Variants in DOP1B observed in about 807,000 individuals in gnomAD.
DOP1B encodes protein DOP1B.
In DOP1B, 174 loss-of-function variants were observed where a neutral mutation model predicts 233.5. That is an observed-to-expected ratio of 0.75 (90% CI 0.66 to 0.85). The LOEUF is 0.85. Ranked by LOEUF, DOP1B falls within the 40% of genes least tolerant of loss-of-function variation. DOP1B has a pLI of 0.00. For missense variants in DOP1B, 2,652 were observed against 2,846.6 expected (o/e 0.93, Z 1.56); for synonymous variants, 1,190 against 1,185.6 (o/e 1.00, Z -0.08).
At chr21:36,256,113 T>C (rs572160856) in intron 23 of DOP1B, among the ~76,000 whole-genome samples, 2 of 152,334 alleles carry the variant, frequency 1.3e-5, no homozygotes, top group East Asian at 1.9e-4. Flanking sequence ...CTTGAAATAA[T>C]TGCCTTCTGT....
At chr21:36,292,051 C>A in intron 35 of DOP1B, 53 bp from the exon 36 acceptor site, 1 of 1,532,476 alleles carries the variant, frequency 6.5e-7, no homozygotes, top group Admixed American at 2.3e-5. Flanking sequence ...CTAATTTTAA[C>A]GACGTTGAAG....
chr21:36,172,881 G>A (rs1358684092), intron 2 of DOP1B, among the ~76,000 whole-genome samples: 1 of 152,228 alleles, frequency 6.6e-6, no homozygotes, highest in Non-Finnish European at 1.5e-5. Context: ...CACTTTGGGA[G>A]GCTGAGGCAG....
At chr21:36,257,407 G>A (rs1485608441) in intron 23 of DOP1B, among the ~76,000 whole-genome samples, 4 of 152,330 alleles carry the variant, frequency 2.6e-5, no homozygotes, top group Admixed American at 2.0e-4. Flanking sequence ...TGCCTGTTCA[G>A]ATTCTTCTTG....
At chr21:36,215,167 A>G (rs1245505760) in intron 9 of DOP1B, among the ~76,000 whole-genome samples, 1 of 152,196 alleles carries the variant, frequency 6.6e-6, no homozygotes, top group African/African-American at 2.4e-5. Flanking sequence ...CATACTTAAA[A>G]TGAGCTTTGG....
At position 36,237,273 on chromosome 21, in the gene DOP1B, T is replaced by C. The variant is rs2835322; in HGVS notation, c.2634T>C (p.Arg878=). The part of the protein sequence containing the change: ...EKTDFYQRVA[R]VLWNQLNKET... ...TTTCCTTGTCCCAGAGGGTGGCTCG[T>C]GTGCTTTGGAATCAGCTGAACAAAG... The change falls in exon 16 of 37, where the codon CGT becomes CGC. Residue 878 remains arginine, a synonymous_variant. Coordinates refer to ENST00000691173, the MANE Select transcript of DOP1B (RefSeq NM_001320714.2). The C allele has an allele frequency of 0.5, 810,274 of 1,613,854 alleles. 205,145 individuals are homozygous for C. Among genetic ancestry groups the C allele is most frequent in the Middle Eastern group, 0.55 (3,340 of 6,062 alleles).
intron 18 of DOP1B, among the ~76,000 whole-genome samples, chr21:36,242,976 CTTTTCT>C (rs959013701): frequency 7.6e-6 from 1 of 130,844 alleles, no homozygotes; most frequent in African/African-American, 3.0e-5. Context: ...CAGATTTCTT[CTTTTCT>C]TTTTTTTTTT....
At position 36,242,152 on chromosome 21, in the gene DOP1B, A is replaced by ATTATTG. The variant is rs1391723320; in HGVS notation, c.3067+2202_3067+2203insGTTATT. Reference sequence around the variant, plus strand: ...GCTCTATCTCCACAGTTCCTTGGGCATTATTATTATTATTATTATTATTAT... The same window carrying ATTATTG: ...GCTCTATCTCCACAGTTCCTTGGGCATTATTGTTATTATTATTATTATTATTATTAT... On this transcript the variant is annotated intron_variant, in intron 18 of 36. Coordinates refer to ENST00000691173, the MANE Select transcript of DOP1B (RefSeq NM_001320714.2). Among the ~76,000 whole-genome samples, 245 of 67,458 alleles carry ATTATTG rather than the reference A, an allele frequency of 3.6e-3. 1 individual carries two copies. The highest frequency in any genetic ancestry group is 0.014 in the East Asian group (17 of 1,188). 44.3% of individuals were successfully genotyped at this position (67,458 alleles called of 152,430 possible).
At position 36,293,699 on chromosome 21, in the gene DOP1B, C is replaced by T. The variant is rs1202143507; in HGVS notation, c.*128C>T. On this transcript the variant is annotated 3_prime_UTR_variant, in exon 37 of 37. Transcript: ENST00000691173. ...CTATTTCCATTTTGAAAGTAGATTT[C>T]AGGCTAGGTGCGGTGGCTCACACCT... The T allele has an allele frequency of 8.8e-6, 10 of 1,137,232 alleles. No individual in the cohort carries two copies. Among genetic ancestry groups the T allele is most frequent in the Non-Finnish European group, 1.3e-5 (10 of 795,514 alleles). 70.4% of individuals were successfully genotyped at this position (1,137,232 alleles called of 1,614,324 possible).
At chr21:36,223,599 T>C (rs1004424788) in intron 11 of DOP1B, among the ~76,000 whole-genome samples, 4 of 152,204 alleles carry the variant, frequency 2.6e-5, no homozygotes, top group African/African-American at 9.7e-5. Flanking sequence ...AAAGTCTAAC[T>C]TTAGAAAATC....
chr21:36,157,682 A>G (rs911702853), intron 1 of DOP1B, among the ~76,000 whole-genome samples: 6 of 152,214 alleles, frequency 3.9e-5, no homozygotes, highest in Admixed American at 1.3e-4. Flanking sequence ...TTTAATTGCC[A>G]CTTTGAAAGA....
At chr21:36,244,113 A>G (rs1329336123) in intron 18 of DOP1B, among the ~76,000 whole-genome samples, 2 of 131,174 alleles carry the variant, frequency 1.5e-5, no homozygotes, top group African/African-American at 5.9e-5. Context: ...TGCAACTTCC[A>G]TCTTTCAGGT....
At position 36,230,917 on chromosome 21, in the gene DOP1B, T is replaced by A. The variant is rs570775291; in HGVS notation, c.2133T>A (p.Ser711Arg). 2.8e-5 allele frequency: 46 copies of A among 1,614,084 alleles called. No homozygotes were observed. The South Asian group carries it at 4.8e-4, about 17-fold the overall frequency. ...TARGSPFKTK[S>R]SESPSSSPSS... ...GAGGGTCTCCATTCAAGACAAAAAG[T>A]TCAGAGTCACCATCGTCTTCGCCCA... is the stretch of plus-strand genomic sequence containing the variant. The change falls in exon 14 of 37, where the codon AGT becomes AGA. Residue 711 changes from serine (S) to arginine (R), a missense_variant. Ser to Arg is a moderately radical substitution (Grantham distance 110). Transcript: ENST00000691173.
intron 10 of DOP1B, among the ~76,000 whole-genome samples, chr21:36,221,926 C>T (rs1054918873): frequency 2.6e-5 from 4 of 152,080 alleles, no homozygotes; most frequent in African/African-American, 9.7e-5. Context: ...GCCTGGGGTG[C>T]GGTGGCGCCA....
At chr21:36,180,863 C>CA (rs1410227375) in intron 2 of DOP1B, among the ~76,000 whole-genome samples, 1 of 149,950 alleles carries the variant, frequency 6.7e-6, no homozygotes, top group African/African-American at 2.5e-5. Flanking sequence ...CCTGGGTTGT[C>CA]AGACAGAGTG....
chr21:36,197,612 G>A (rs990963439), intron 2 of DOP1B, among the ~76,000 whole-genome samples: 1 of 152,218 alleles, frequency 6.6e-6, no homozygotes, highest in Non-Finnish European at 1.5e-5. Context: ...TGGGGGCACT[G>A]AGCTAAATCA....
At chr21:36,263,362 C>A (rs1472746602) in intron 24 of DOP1B, among the ~76,000 whole-genome samples, 184 bp from the exon 25 acceptor site, 1 of 152,020 alleles carries the variant, frequency 6.6e-6, no homozygotes, top group Non-Finnish European at 1.5e-5. Context: ...TCTCAAACTC[C>A]AAGTGTTTGC....
At position 36,241,558 on chromosome 21, in the gene DOP1B, G is replaced by T. The variant is rs1051414435; in HGVS notation, c.3067+1603G>T. ...GAGTCTCGCTCTGTCACCCAAGCTG[G>T]AGTGCAGTGGTGCAATCTCGGCTCA... On this transcript the variant is annotated intron_variant, in intron 18 of 36. Coordinates refer to ENST00000691173, the MANE Select transcript of DOP1B (RefSeq NM_001320714.2). 3.0e-5 allele frequency among the ~76,000 whole-genome samples: 4 copies of T among 133,696 alleles called. No individual in the cohort carries two copies. The East Asian group carries it at 9.3e-4, about 31-fold the overall frequency. The allele number at this position is 133,696 out of a possible 152,430, so 87.7% of individuals were successfully genotyped here. A position where few individuals can be genotyped will look rare whatever the true frequency, so the allele number is the denominator to read the frequency against.
At chr21:36,267,282 T>C (rs2067240488) in intron 26 of DOP1B, among the ~76,000 whole-genome samples, 2 of 152,238 alleles carry the variant, frequency 1.3e-5, no homozygotes, top group Non-Finnish European at 2.9e-5. Context: ...TGACCTTTAT[T>C]TCTTGTATAT....
At chr21:36,250,493 G>A (rs1041346455) in intron 21 of DOP1B, among the ~76,000 whole-genome samples, 4 of 152,122 alleles carry the variant, frequency 2.6e-5, no homozygotes, top group East Asian at 1.9e-4. Flanking sequence ...TTCCTGAGGC[G>A]GCATGGCTTA....
Sources: allele counts gnomAD v4.1 joint callset (sites outside exome capture counted in the v4.1 genomes callset), GRCh38; gene constraint gnomAD v4.1.1; transcripts MANE v1.5; gene names NCBI Gene and HGNC (gene_info 2026-07-23, HGNC 2026-07-21).